Variants in PDE10A observed in about 807,000 individuals in gnomAD.
PDE10A encodes the protein phosphodiesterase 10A.
Under a neutral mutation model 97.7 loss-of-function variants are expected in PDE10A, and 39 were observed. The ratio of observed to expected loss-of-function variants is 0.40; its 90% confidence interval spans 0.31 to 0.52. PDE10A has a LOEUF of 0.52. PDE10A is among the 20% of genes least tolerant of loss of function. The pLI is 0.56. For synonymous variants in PDE10A, 371 were observed against 376.8 expected (o/e 0.98, Z 0.18); for missense variants, 731 against 1,047.8 (o/e 0.70, Z 4.17).
At chr6:165,357,661 A>C (rs930703114) in intron 18 of PDE10A, among the ~76,000 whole-genome samples, 9 of 152,166 alleles carry the variant, frequency 5.9e-5, no homozygotes, top group Admixed American at 5.2e-4. Context: ...CATATTATTT[A>C]TAATACTCTC....
chr6:165,942,536 C>T (rs892603216), intron 1 of PDE10A, among the ~76,000 whole-genome samples: 1 of 152,092 alleles, frequency 6.6e-6, no homozygotes, highest in African/African-American at 2.4e-5. Flanking sequence ...GGACAGTGGG[C>T]CCTGCCATGT....
intron 18 of PDE10A, among the ~76,000 whole-genome samples, chr6:165,372,725 A>C (rs9459395): frequency 0.38 from 33,885 of 89,192 alleles, 7,601 homozygotes; most frequent in African/African-American, 0.55. Context: ...TTGGAAAAAA[A>C]TACTTTAAAG....
chr6:165,392,868 T>C, intron 15 of PDE10A, 72 bp from the exon 16 acceptor site: 2 of 1,334,208 alleles, frequency 1.5e-6, no homozygotes, highest in Non-Finnish European at 2.1e-6. Context: ...CTCCCTAGTT[T>C]AGGTACATAT....
intron 1 of PDE10A, among the ~76,000 whole-genome samples, chr6:165,859,558 G>A (rs1780842386): frequency 6.6e-6 from 1 of 152,224 alleles, no homozygotes; most frequent in South Asian, 2.1e-4. Flanking sequence ...GGGAAGGTGT[G>A]TGGTGCTTCC....
In PDE10A at chr6:165,732,060, A is replaced by G. The variant is rs1792451459; in HGVS notation, c.-614-188492T>C. ...CCACTGGATAAGCGCCCCTTCACTC[A>G]GAATGAATTAACGTGTACTGTTTTC... On this transcript the variant is annotated intron_variant, in intron 1 of 19. Transcript: ENST00000366882. Among the ~76,000 whole-genome samples, 3 of 152,354 alleles carry G rather than the reference A, an allele frequency of 2.0e-5. No individual in the cohort carries two copies. In the South Asian group the frequency reaches 6.2e-4, roughly 32 times the overall value.
At chr6:165,631,977 G>T (rs2128415079) in intron 1 of PDE10A, among the ~76,000 whole-genome samples, 1 of 151,932 alleles carries the variant, frequency 6.6e-6, no homozygotes. Flanking sequence ...AAGGTGGGTG[G>T]ATCACCTGAG....
At chr6:165,410,211 G>A (rs1255406741) in intron 13 of PDE10A, among the ~76,000 whole-genome samples, 1 of 152,042 alleles carries the variant, frequency 6.6e-6, no homozygotes, top group Admixed American at 6.6e-5. Context: ...GCTAATAAAG[G>A]TTTCTGAAAC....
intron 1 of PDE10A, among the ~76,000 whole-genome samples, chr6:165,982,881 C>T (rs1156447161): frequency 2.0e-5 from 3 of 152,044 alleles, no homozygotes; most frequent in Non-Finnish European, 4.4e-5. Flanking sequence ...AGAAACAAAA[C>T]AAAACAAAAC....
intron 1 of PDE10A, among the ~76,000 whole-genome samples, chr6:165,610,082 G>A (rs1320652791): frequency 1.3e-5 from 2 of 152,196 alleles, no homozygotes; most frequent in African/African-American, 4.8e-5. Context: ...CAAAGCTGGA[G>A]GCATCATGCT....
rs188539173 is a variant in PDE10A, at chr6:165,896,584, G to T, written c.-615+90945C>A. ...CTGTCGCCCAGGCTGGAGTACAGTG[G>T]CGCAATCTCGGCTCACTGCAAGCTC... On this transcript the variant is annotated intron_variant, in intron 1 of 19. Coordinates refer to the PDE10A transcript ENST00000366882. Among the ~76,000 whole-genome samples the T allele has an allele frequency of 1.6e-3, 240 of 149,270 alleles. 2 individuals carry two copies. Among genetic ancestry groups the T allele is most frequent in the African/African-American group, 5.7e-3 (228 of 40,056 alleles).
intron 5 of PDE10A, among the ~76,000 whole-genome samples, chr6:165,443,602 T>C (rs1790629674): frequency 6.6e-6 from 1 of 152,234 alleles, no homozygotes; most frequent in Admixed American, 6.5e-5. Context: ...GTGGGGACTC[T>C]GTGTGGGGGA....
At position 165,418,755 on chromosome 6, in the gene PDE10A, T is replaced by C. The variant is rs751722941; in HGVS notation, c.1676A>G (p.Asn559Ser). The change falls in exon 11 of 22, where the codon AAT (asparagine) becomes AGT (serine). Residue 559 changes from asparagine (N) to serine (S), a missense_variant. Transcript: ENST00000539869. The surrounding 1 kb of genome is among the most constrained non-coding windows in gnomAD (Gnocchi z 4.8). ...CTGGAAAAGCGCACAACGATCGGCA[T>C]TCACCAGGTTTTTTGCATATATCTA... ...HIMIYAKNLV[N>S]ADRCALFQVD... The C allele has an allele frequency of 3.7e-6, 6 of 1,613,552 alleles. No homozygotes were observed. The highest frequency in any genetic ancestry group is 1.3e-5 in the African/African-American group (1 of 74,912).
At chr6:165,835,786 G>C (rs975758398) in intron 1 of PDE10A, among the ~76,000 whole-genome samples, 4 of 152,178 alleles carry the variant, frequency 2.6e-5, no homozygotes, top group African/African-American at 9.7e-5. Flanking sequence ...CAGGAGGAGG[G>C]GGAGCGTTTC....
At chr6:165,355,622 C>T (rs1278005068) in intron 18 of PDE10A, among the ~76,000 whole-genome samples, 1 of 152,118 alleles carries the variant, frequency 6.6e-6, no homozygotes, top group African/African-American at 2.4e-5. Context: ...TTTAGGTTGC[C>T]ACCAGGTGGG....
chr6:165,564,353 C>G lies in PDE10A; in HGVS notation c.866-20785G>C, dbSNP rs115456695. Among the ~76,000 whole-genome samples, 917 of 152,284 alleles carry G rather than the reference C, an allele frequency of 6.0e-3. 14 individuals carry two copies. The highest frequency in any genetic ancestry group is 0.02 in the African/African-American group (847 of 41,560). ...CCTGCTGCCCATCCTTAAGCCTACACAAATGCAAGAGGGAGAACAAGGACT... is the reference window on the plus strand; with the variant it reads ...CCTGCTGCCCATCCTTAAGCCTACAGAAATGCAAGAGGGAGAACAAGGACT... On this transcript the variant is annotated intron_variant, in intron 1 of 21. Transcript: ENST00000539869.
At chr6:165,934,563 C>T (rs1268577080) in intron 1 of PDE10A, among the ~76,000 whole-genome samples, 1 of 152,086 alleles carries the variant, frequency 6.6e-6, no homozygotes, top group Non-Finnish European at 1.5e-5. Context: ...TTTATTATAT[C>T]TTGCTTTACT....
At chr6:165,922,015 G>C (rs1583287377) in intron 1 of PDE10A, among the ~76,000 whole-genome samples, 2 of 152,182 alleles carry the variant, frequency 1.3e-5, no homozygotes, top group Admixed American at 1.3e-4. Flanking sequence ...AGGCTAGGTA[G>C]ATGTGGACAT....
intron 1 of PDE10A, among the ~76,000 whole-genome samples, chr6:165,933,989 T>C (rs898348090): frequency 6.2e-5 from 8 of 129,982 alleles, no homozygotes; most frequent in African/African-American, 2.3e-4. Flanking sequence ...ATCAATTCCC[T>C]TTTTTTTTTT....
intron 1 of PDE10A, among the ~76,000 whole-genome samples, chr6:165,899,458 TGG>T (rs927550121): frequency 9.2e-5 from 14 of 152,344 alleles, no homozygotes; most frequent in Admixed American, 7.8e-4. Context: ...GGCTAGGGGC[TGG>T]GATGTACAGT....
Sources: allele counts gnomAD v4.1 joint callset (sites outside exome capture counted in the v4.1 genomes callset), GRCh38; gene constraint gnomAD v4.1.1; non-coding constraint Gnocchi (gnomAD v3.1); transcripts MANE v1.5; gene names NCBI Gene and HGNC (gene_info 2026-07-23, HGNC 2026-07-21).